STK39: variants seen among roughly 807,000 people sequenced by gnomAD.
The protein encoded by STK39 is STE20/SPS1-related proline-alanine-rich protein kinase.
Under a neutral mutation model 77.8 loss-of-function variants are expected in STK39, and 20 were observed. That is an observed-to-expected ratio of 0.26 (90% CI 0.18 to 0.37). STK39 has a LOEUF of 0.37. STK39 is among the 10% of genes least tolerant of loss of function. STK39 has a pLI of 1.00. For synonymous variants in STK39, 246 were observed against 234.1 expected, an observed-to-expected ratio of 1.05 and a Z score of -0.47; for missense variants, 479 against 656.5, an observed-to-expected ratio of 0.73 and a Z score of 2.95.
chr2:168,119,449 T>C (rs1035505293), intron 10 of STK39, among the ~76,000 whole-genome samples: 1 of 152,166 alleles, frequency 6.6e-6, no homozygotes, highest in African/African-American at 2.4e-5. Flanking sequence ...AAAATGCAAA[T>C]GGTAGATTGC....
chr2:167,999,500 G>T (rs569576754), intron 16 of STK39, among the ~76,000 whole-genome samples: 3 of 152,084 alleles, frequency 2.0e-5, no homozygotes, highest in Admixed American at 2.0e-4. Context: ...CTCACTCTGT[G>T]GCCCAGGCTG....
intron 2 of STK39, among the ~76,000 whole-genome samples, chr2:168,176,634 C>A (rs969436235): frequency 7.9e-5 from 12 of 152,090 alleles, no homozygotes; most frequent in Admixed American, 7.2e-4. Flanking sequence ...GGAAAAAGTT[C>A]TTGATTTTAT....
chr2:168,034,437 T>G (rs1280686655), intron 14 of STK39, among the ~76,000 whole-genome samples: 1 of 152,176 alleles, frequency 6.6e-6, no homozygotes, highest in Non-Finnish European at 1.5e-5. Context: ...GACTGAAACA[T>G]GCTTAAAGTG....
chr2:168,051,344 C>G (rs1685389708), intron 14 of STK39, among the ~76,000 whole-genome samples: 1 of 152,186 alleles, frequency 6.6e-6, no homozygotes, highest in African/African-American at 2.4e-5. Context: ...GTTAAAATTT[C>G]AGGCTACTAT....
intron 16 of STK39, among the ~76,000 whole-genome samples, chr2:167,991,630 T>C (rs539460194): frequency 7.9e-5 from 12 of 152,332 alleles, no homozygotes; most frequent in African/African-American, 2.4e-4. Flanking sequence ...GAGCACATAC[T>C]GAGTTTAGTA....
intron 1 of STK39, among the ~76,000 whole-genome samples, chr2:168,190,619 T>C (rs564694064): frequency 6.6e-5 from 10 of 152,210 alleles, no homozygotes; most frequent in Non-Finnish European, 1.3e-4. Context: ...TATGTGAGCA[T>C]AGAGAGATGA....
intron 15 of STK39, among the ~76,000 whole-genome samples, chr2:168,013,793 GGTGTGTGTGTGTGT>G (rs4000936): frequency 9.5e-5 from 14 of 147,766 alleles, no homozygotes; most frequent in East Asian, 6.0e-4. Flanking sequence ...TAAGTGGGCT[GGTGTGTGTGTGTGT>G]GTGTGTGTGT....
intron 3 of STK39, among the ~76,000 whole-genome samples, chr2:168,166,257 T>C (rs891276552): frequency 1.3e-5 from 2 of 152,162 alleles, no homozygotes; most frequent in African/African-American, 2.4e-5. Context: ...GGTCAGTAAA[T>C]TGCCTTGGAC....
chr2:168,102,714 G>A (rs1030667881), intron 10 of STK39, among the ~76,000 whole-genome samples: 5 of 152,084 alleles, frequency 3.3e-5, no homozygotes, highest in Admixed American at 6.6e-5. Flanking sequence ...CAGATTATGA[G>A]GTAAGGAGAT....
At chr2:168,059,668 A>T (rs1685612381) in intron 14 of STK39, among the ~76,000 whole-genome samples, 1 of 152,118 alleles carries the variant, frequency 6.6e-6, no homozygotes, top group Admixed American at 6.6e-5. Flanking sequence ...ATCCCACTCA[A>T]CTGTACCCGG....
chr2:168,096,883 G>A (rs986582369), intron 10 of STK39, among the ~76,000 whole-genome samples: 1 of 150,706 alleles, frequency 6.6e-6, no homozygotes, highest in African/African-American at 2.4e-5. Context: ...GTTATAAATA[G>A]ATAGGCTAAA....
At chr2:168,166,789 C>G (rs1453239403) in intron 3 of STK39, among the ~76,000 whole-genome samples, 1 of 152,168 alleles carries the variant, frequency 6.6e-6, no homozygotes, top group Non-Finnish European at 1.5e-5. Context: ...ACATTTCCAT[C>G]ATCACAGAAC....
intron 10 of STK39, among the ~76,000 whole-genome samples, chr2:168,095,806 A>G (rs1686651763): frequency 6.6e-6 from 1 of 151,950 alleles, no homozygotes; most frequent in African/African-American, 2.4e-5. Context: ...TTCCTCAGAA[A>G]TCACCTATGA....
chr2:168,054,103 G>A (rs1302292433), intron 14 of STK39, among the ~76,000 whole-genome samples: 2 of 152,176 alleles, frequency 1.3e-5, no homozygotes, highest in Admixed American at 1.3e-4. Flanking sequence ...ATTTAATGAT[G>A]AGTTTGTTGG....
chr2:168,075,531 TACTTCAGTTAAC>T (rs1432487089), intron 10 of STK39, among the ~76,000 whole-genome samples: 5 of 152,142 alleles, frequency 3.3e-5, no homozygotes, highest in African/African-American at 1.2e-4. Context: ...TTTTCATGTT[TACTTCAGTTAAC>T]ACTTTATTAG....
At chr2:168,161,265 T>G (rs1363077242) in intron 5 of STK39, among the ~76,000 whole-genome samples, 1 of 152,238 alleles carries the variant, frequency 6.6e-6, no homozygotes, top group Non-Finnish European at 1.5e-5. Context: ...GGTGCTCACC[T>G]GATATTGTGT....
intron 3 of STK39, among the ~76,000 whole-genome samples, chr2:168,166,023 A>G (rs563025273): frequency 6.6e-6 from 1 of 152,314 alleles, no homozygotes; most frequent in South Asian, 2.1e-4. Flanking sequence ...GGGCTTTCTA[A>G]GCTTCAGTGC....
intron 12 of STK39, among the ~76,000 whole-genome samples, chr2:168,068,270 G>T (rs1233183581): frequency 6.6e-6 from 1 of 152,160 alleles, no homozygotes. Context: ...AGACCCTGAT[G>T]GGGATCTAGG....
At chr2:168,005,353 CAA>C (rs1684104918) in intron 16 of STK39, among the ~76,000 whole-genome samples, 2 of 149,888 alleles carry the variant, frequency 1.3e-5, no homozygotes, top group Admixed American at 1.3e-4. Context: ...AGACCAGACT[CAA>C]AAGTCATGTG....
Sources: allele counts gnomAD v4.1 joint callset (sites outside exome capture counted in the v4.1 genomes callset), GRCh38; gene constraint gnomAD v4.1.1; transcripts MANE v1.5; gene names NCBI Gene and HGNC (gene_info 2026-07-23, HGNC 2026-07-21).